CACNA1D: variants seen among roughly 807,000 people sequenced by gnomAD.
The protein encoded by CACNA1D is calcium voltage-gated channel subunit alpha1 D.
In CACNA1D, 55 loss-of-function variants were observed where a neutral mutation model predicts 257.1. That is an observed-to-expected ratio of 0.21 (90% CI 0.17 to 0.27). The LOEUF (loss-of-function observed/expected upper bound fraction) is 0.27. Ranked by LOEUF, CACNA1D falls within the 10% of genes least tolerant of loss-of-function variation. CACNA1D has a pLI of 1.00. For missense variants in CACNA1D, 1,876 were observed against 2,784.0 expected (o/e 0.67, Z 7.34); for synonymous variants, 980 against 1,014.9 (o/e 0.97, Z 0.65).
chr3:53,558,905 T>A (rs2092691247), intron 3 of CACNA1D, among the ~76,000 whole-genome samples: 1 of 152,194 alleles, frequency 6.6e-6, no homozygotes, highest in Non-Finnish European at 1.5e-5. Flanking sequence ...GTTTAGGTCT[T>A]TTGCTAAATA....
chr3:53,648,527 C>T (rs976607269), intron 3 of CACNA1D, among the ~76,000 whole-genome samples: 1 of 152,130 alleles, frequency 6.6e-6, no homozygotes, highest in African/African-American at 2.4e-5. Context: ...AGTGTGTGAT[C>T]GTTCCTCCAG....
rs115533875 is a variant in CACNA1D at position 53,699,512 on chromosome 3, C to T, written c.1221-3129C>T. On this transcript the variant is annotated intron_variant, in intron 8 of 47. Coordinates refer to ENST00000350061, the MANE Select transcript of CACNA1D (RefSeq NM_001128840.3). ...ACTGAAGCTCAGAACACAGCAGTGA[C>T]AGAGCTAGGACTAGAAGCCAGGTCT... Among the ~76,000 whole-genome samples the T allele has an allele frequency of 5.7e-3, 862 of 152,284 alleles. 8 individuals are homozygous for T. The highest frequency in any genetic ancestry group is 0.02 in the African/African-American group (816 of 41,558).
intron 8 of CACNA1D, among the ~76,000 whole-genome samples, chr3:53,700,721 G>C (rs2094615873): frequency 2.0e-5 from 3 of 152,072 alleles, no homozygotes. Context: ...ACAAAGCCTG[G>C]CCTCCTTCCT....
At chr3:53,720,614 C>T (rs2094872840) in intron 11 of CACNA1D, among the ~76,000 whole-genome samples, 1 of 152,080 alleles carries the variant, frequency 6.6e-6, no homozygotes, top group African/African-American at 2.4e-5. Context: ...GGCATTTCAC[C>T]AGAGAAGAGA....
chr3:53,701,164 C>T (rs1010652124), intron 8 of CACNA1D, among the ~76,000 whole-genome samples: 4 of 149,496 alleles, frequency 2.7e-5, no homozygotes, highest in African/African-American at 9.9e-5. Flanking sequence ...ATTTTGGAGA[C>T]AGCGTCTTGC....
rs1575666826 is a variant in CACNA1D at position 53,495,444 on chromosome 3, G to T, written c.67+211G>T. Among the ~76,000 whole-genome samples the T allele has an allele frequency of 6.6e-6, 1 of 152,324 alleles. No homozygotes were observed. Among genetic ancestry groups the T allele is most frequent in the Non-Finnish European group, 1.5e-5 (1 of 68,030 alleles). On this transcript the variant is annotated intron_variant, in intron 1 of 47. Coordinates refer to ENST00000350061, the MANE Select transcript of CACNA1D (RefSeq NM_001128840.3). This position sits in a 1 kb window ranked among gnomAD's most constrained non-coding sequence, Gnocchi z 5.1. ...ATGTCAGAGTTAATTCTGCATTTGTGGGGTGGGGGCGGCCGTGGAGTGTGT... is the reference window on the plus strand; with the variant it reads ...ATGTCAGAGTTAATTCTGCATTTGTTGGGTGGGGGCGGCCGTGGAGTGTGT...
chr3:53,749,075 C>T, intron 26 of CACNA1D, 193 bp from the exon 27 acceptor site: 1 of 699,388 alleles, frequency 1.4e-6, no homozygotes, highest in Non-Finnish European at 2.6e-6. Context: ...CCTGGGTGCC[C>T]CCTCCTCTTA....
At chr3:53,729,223 G>A (rs2094964145) in intron 15 of CACNA1D, among the ~76,000 whole-genome samples, 1 of 152,190 alleles carries the variant, frequency 6.6e-6, no homozygotes, top group Non-Finnish European at 1.5e-5. Context: ...GCATGTCAAA[G>A]GCTTTTTGAG....
chr3:53,770,378 T>A (rs2095359785), intron 31 of CACNA1D, 46 bp from the exon 32 acceptor site: 1 of 1,595,428 alleles, frequency 6.3e-7, no homozygotes, highest in Non-Finnish European at 8.6e-7. Flanking sequence ...AAGTGTTGCA[T>A]GTTCTACTTT....
chr3:53,642,229 T>A (rs2108211244), intron 3 of CACNA1D, among the ~76,000 whole-genome samples: 1 of 152,312 alleles, frequency 6.6e-6, no homozygotes, highest in Non-Finnish European at 1.5e-5. Flanking sequence ...TTGGCTTCCC[T>A]TGGTGGGTGT....
Position 53,722,322 on chromosome 3 carries a change from G to A in CACNA1D, c.1514G>A (p.Trp505Ter). The A allele has an allele frequency of 1.2e-6, 2 of 1,614,200 alleles. No homozygotes were observed. The highest frequency in any genetic ancestry group is 1.7e-6 in the Non-Finnish European group (2 of 1,180,042). The change falls in exon 12 of 48, where the codon TGG becomes TAG. Residue 505 changes from tryptophan (W) to a stop codon, truncating the protein, a stop_gained. Transcript: ENST00000350061. LOFTEE classifies it high-confidence loss of function. ...GTTTGCTTGTCTTTTAGCCGACGCT[G>A]GCGTCGCTGGAACCGATTCAATCGC... is the stretch of plus-strand genomic sequence containing the variant. ...AISKSKLSRRWRRWNRFNRRR... is the reference protein window; with the variant it reads ...AISKSKLSRR
chr3:53,689,999 A>G (rs2094505270), intron 8 of CACNA1D, among the ~76,000 whole-genome samples: 1 of 152,052 alleles, frequency 6.6e-6, no homozygotes, highest in African/African-American at 2.4e-5. Flanking sequence ...TGCTTTATTC[A>G]GTTTATTTTA....
At chr3:53,573,697 G>T (rs912877548) in intron 3 of CACNA1D, among the ~76,000 whole-genome samples, 1 of 152,250 alleles carries the variant, frequency 6.6e-6, no homozygotes, top group Middle Eastern at 3.4e-3. Flanking sequence ...TTTCACTGTT[G>T]TATGTCCAGT....
chr3:53,527,708 G>A (rs572117126), intron 3 of CACNA1D, among the ~76,000 whole-genome samples: 118 of 152,250 alleles, frequency 7.8e-4, no homozygotes, highest in Non-Finnish European at 1.3e-3. Context: ...AGCTTTGTGC[G>A]CTGGTAGTAT....
chr3:53,568,247 A>C (rs2092882146), intron 3 of CACNA1D, among the ~76,000 whole-genome samples: 1 of 152,184 alleles, frequency 6.6e-6, no homozygotes, highest in Admixed American at 6.5e-5. Flanking sequence ...AATGTCATTC[A>C]GCTACGATGA....
intron 3 of CACNA1D, among the ~76,000 whole-genome samples, chr3:53,627,177 A>G (rs539237048): frequency 2.6e-4 from 40 of 152,300 alleles, no homozygotes; most frequent in African/African-American, 6.5e-4. Flanking sequence ...ACAGGTCCCA[A>G]TAGGGATTTG....
At chr3:53,658,904 C>G (rs1270362680) in intron 4 of CACNA1D, among the ~76,000 whole-genome samples, 1 of 152,130 alleles carries the variant, frequency 6.6e-6, no homozygotes, top group African/African-American at 2.4e-5. Context: ...AAGGGCTGAT[C>G]TATAAATGCC....
intron 3 of CACNA1D, among the ~76,000 whole-genome samples, chr3:53,568,606 G>C (rs910877847): frequency 6.6e-6 from 1 of 152,174 alleles, no homozygotes; most frequent in Non-Finnish European, 1.5e-5. Flanking sequence ...GTTGCATCCA[G>C]CCTTGCCTGT....
Position 53,737,206 on chromosome 3 carries a change from A to G in CACNA1D, c.2751+1703A>G, listed in dbSNP as rs117668259. ...TCCCGACTACTCGGGAGGCTGAGGT[A>G]TGAGCAGTGAGCTGAGATCGCACCA... On this transcript the variant is annotated intron_variant, in intron 20 of 47. Transcript: ENST00000350061. 5.0e-4 allele frequency among the ~76,000 whole-genome samples: 76 copies of G among 152,226 alleles called. 3 individuals are homozygous for G. In the East Asian group the frequency reaches 0.014, roughly 28 times the overall value.
Sources: allele counts gnomAD v4.1 joint callset (sites outside exome capture counted in the v4.1 genomes callset), GRCh38; gene constraint gnomAD v4.1.1; non-coding constraint Gnocchi (gnomAD v3.1); transcripts MANE v1.5; gene names NCBI Gene and HGNC (gene_info 2026-07-23, HGNC 2026-07-21).